The following CCSER1 variants were observed in gnomAD, a reference collection of about 807,000 sequenced individuals.
CCSER1 encodes serine-rich coiled-coil domain-containing protein 1.
In CCSER1, 41 loss-of-function variants were observed where a neutral mutation model predicts 82.0. That is an observed-to-expected ratio of 0.50 (90% CI 0.39 to 0.65). The LOEUF (loss-of-function observed/expected upper bound fraction) is 0.65. Ranked by LOEUF, CCSER1 falls within the 30% of genes least tolerant of loss-of-function variation. The pLI is 0.00. For missense variants in CCSER1, 1,119 were observed against 1,064.2 expected (o/e 1.05, Z -0.72); for synonymous variants, 414 against 383.9 (o/e 1.08, Z -0.92).
intron 9 of CCSER1, among the ~76,000 whole-genome samples, chr4:90,929,423 A>G (rs1729455843): frequency 6.6e-6 from 1 of 152,198 alleles, no homozygotes; most frequent in South Asian, 2.1e-4. Flanking sequence ...GAAGTATTAA[A>G]CTCAAATCAG....
intron 10 of CCSER1, among the ~76,000 whole-genome samples, chr4:91,407,361 T>C (rs1752761924): frequency 6.6e-6 from 1 of 152,132 alleles, no homozygotes; most frequent in Admixed American, 6.5e-5. Flanking sequence ...AGAGTGACCA[T>C]GTATTTATAC....
rs190029471 is a variant in CCSER1, at chr4:90,859,463, A to G, written c.2094+43618A>G. On this transcript the variant is annotated intron_variant, in intron 8 of 10. Coordinates refer to ENST00000509176, the MANE Select transcript of CCSER1 (RefSeq NM_001145065.2). The stretch of plus-strand genomic sequence containing the variant: ...AGCTTTATGATTCATAAACACTGAC[A>G]AAAGATTCAAGGAATTCTGGCTTAT... Among the ~76,000 whole-genome samples the G allele has an allele frequency of 2.8e-4, 43 of 151,962 alleles. No individual in the cohort carries two copies. The East Asian group carries it at 8.3e-3, about 29-fold the overall frequency.
intron 3 of CCSER1, among the ~76,000 whole-genome samples, chr4:90,318,522 G>A (rs1035121285): frequency 6.6e-6 from 1 of 152,216 alleles, no homozygotes; most frequent in Non-Finnish European, 1.5e-5. Context: ...AAACATAACT[G>A]TAGGACTTTG....
chr4:90,747,162 A>G (rs530355855), intron 7 of CCSER1, among the ~76,000 whole-genome samples: 6 of 152,114 alleles, frequency 3.9e-5, no homozygotes, highest in African/African-American at 1.2e-4. Flanking sequence ...ACATCCCACT[A>G]TTAGGTTGGG....
At chr4:90,328,292 A>G (rs1738593190) in intron 3 of CCSER1, among the ~76,000 whole-genome samples, 1 of 152,174 alleles carries the variant, frequency 6.6e-6, no homozygotes, top group African/African-American at 2.4e-5. Context: ...GAGTGGATAT[A>G]GAGAAATATG....
At chr4:90,602,884 G>C (rs930087889) in intron 5 of CCSER1, among the ~76,000 whole-genome samples, 3 of 152,086 alleles carry the variant, frequency 2.0e-5, no homozygotes, top group Non-Finnish European at 4.4e-5. Context: ...TTATTACCCC[G>C]ATCAGGAAAC....
chr4:91,432,968 G>T (rs1754417184), intron 10 of CCSER1, among the ~76,000 whole-genome samples: 1 of 152,020 alleles, frequency 6.6e-6, no homozygotes, highest in South Asian at 2.1e-4. Flanking sequence ...TATATCAGTT[G>T]CTATTATCAA....
intron 3 of CCSER1, among the ~76,000 whole-genome samples, chr4:90,336,441 C>A (rs531856607): frequency 6.6e-6 from 1 of 152,164 alleles, no homozygotes; most frequent in African/African-American, 2.4e-5. Context: ...CAATTCTGTG[C>A]TTTCATTAAT....
chr4:90,276,255 C>CTTTCTTTCT lies in CCSER1; in HGVS notation c.-41-31987_-41-31986insTCTTTCTTT, dbSNP rs1560929917. ...CTTTCTTTCTTTCTTTCTTTCTTTC[C>CTTTCTTTCT]TTCCTTCCTTCCTTCCTTCCTTCCT... On this transcript the variant is annotated intron_variant, in intron 1 of 10. Coordinates refer to ENST00000509176, the MANE Select transcript of CCSER1 (RefSeq NM_001145065.2). Among the ~76,000 whole-genome samples the CTTTCTTTCT allele has an allele frequency of 1.6e-3, 82 of 52,760 alleles. 3 individuals are homozygous for CTTTCTTTCT. Among genetic ancestry groups the CTTTCTTTCT allele is most frequent in the Admixed American group, 2.2e-3 (11 of 4,924 alleles). 34.6% of individuals were successfully genotyped at this position (52,760 alleles called of 152,430 possible). A position where few individuals can be genotyped will look rare whatever the true frequency, so the allele number is the denominator to read the frequency against.
chr4:91,155,242 G>T (rs1260293098), intron 10 of CCSER1, among the ~76,000 whole-genome samples: 1 of 151,834 alleles, frequency 6.6e-6, no homozygotes, highest in Non-Finnish European at 1.5e-5. Context: ...AATTATAGGG[G>T]TAGATTTTGC....
intron 10 of CCSER1, among the ~76,000 whole-genome samples, chr4:91,573,536 AAGG>A (rs1763293381): frequency 1.3e-5 from 2 of 152,238 alleles, no homozygotes; most frequent in East Asian, 3.9e-4. Context: ...GTGGGTTCAC[AAGG>A]AGATCTCCTG....
At chr4:91,565,068 G>A (rs1342630264) in intron 10 of CCSER1, among the ~76,000 whole-genome samples, 1 of 129,554 alleles carries the variant, frequency 7.7e-6, no homozygotes, top group African/African-American at 3.1e-5. Context: ...GTGTGTGTGT[G>A]TGTGTGTGTG....
intron 5 of CCSER1, among the ~76,000 whole-genome samples, chr4:90,489,236 A>G (rs374638270): frequency 2.3e-4 from 35 of 152,332 alleles, no homozygotes; most frequent in East Asian, 1.5e-3. Context: ...GAAGATGAAG[A>G]GAAAATATTT....
At chr4:90,763,326 G>A (rs1750692067) in intron 7 of CCSER1, among the ~76,000 whole-genome samples, 1 of 151,994 alleles carries the variant, frequency 6.6e-6, no homozygotes. Context: ...GGAAGATTTG[G>A]GAGGAGAGCC....
intron 4 of CCSER1, among the ~76,000 whole-genome samples, chr4:90,401,928 C>T (rs1752933129): frequency 6.6e-6 from 1 of 152,200 alleles, no homozygotes. Flanking sequence ...TCTAACATCA[C>T]AAAAAGTGTA....
At chr4:91,452,877 G>A (rs1036763714) in intron 10 of CCSER1, among the ~76,000 whole-genome samples, 1 of 152,008 alleles carries the variant, frequency 6.6e-6, no homozygotes, top group Non-Finnish European at 1.5e-5. Flanking sequence ...ATTGTCCTTA[G>A]TTATGGAAAA....
intron 10 of CCSER1, among the ~76,000 whole-genome samples, chr4:91,156,326 A>G (rs1468266825): frequency 2.0e-5 from 3 of 151,698 alleles, no homozygotes; most frequent in African/African-American, 7.3e-5. Context: ...CTACTCCACA[A>G]AATCACTATT....
chr4:90,279,746 T>C (rs1179703518), intron 1 of CCSER1, among the ~76,000 whole-genome samples: 1 of 152,066 alleles, frequency 6.6e-6, no homozygotes, highest in Admixed American at 6.6e-5. Flanking sequence ...ATTAGAATTG[T>C]AATCCGTATG....
chr4:90,133,261 A>G (rs1439000359), intron 1 of CCSER1, among the ~76,000 whole-genome samples: 1 of 152,184 alleles, frequency 6.6e-6, no homozygotes, highest in African/African-American at 2.4e-5. Flanking sequence ...TTTCTGACCA[A>G]ATTTTTAATG....
Sources: gnomAD v4.1 joint callset for allele counts (sites outside exome capture counted in the v4.1 genomes callset) on GRCh38, gnomAD v4.1.1 for gene constraint, MANE v1.5 for transcripts, NCBI Gene and HGNC (gene_info 2026-07-23, HGNC 2026-07-21) for gene names.